ENPP6: variants seen among roughly 807,000 people sequenced by gnomAD.
ENPP6 encodes the protein ectonucleotide pyrophosphatase/phosphodiesterase 6, also known as glycerophosphocholine cholinephosphodiesterase ENPP6.
A neutral mutation model predicts 42.0 loss-of-function variants in ENPP6; 32 were observed. That is an observed-to-expected ratio of 0.76 (90% CI 0.58 to 1.02). ENPP6 has a LOEUF of 1.02. ENPP6 is among the 50% of genes least tolerant of loss of function. The probability of loss-of-function intolerance (pLI) is 0.00; values close to 1 mark genes in which losing one functional copy is unlikely to be tolerated. For missense variants in ENPP6, 552 were observed against 566.8 expected, an observed-to-expected ratio of 0.97 and a Z score of 0.27; for synonymous variants, 213 against 216.0, an observed-to-expected ratio of 0.99 and a Z score of 0.12.
intron 1 of ENPP6, among the ~76,000 whole-genome samples, chr4:184,181,867 G>T (rs1001983055): frequency 3.3e-5 from 5 of 152,120 alleles, no homozygotes; most frequent in African/African-American, 1.2e-4. Flanking sequence ...ACTCAAGATG[G>T]ATTAAAGACT....
At chr4:184,205,813 G>A (rs1579665684) in intron 1 of ENPP6, among the ~76,000 whole-genome samples, 1 of 152,204 alleles carries the variant, frequency 6.6e-6, no homozygotes, top group East Asian at 1.9e-4. Flanking sequence ...AAGGTCAGCT[G>A]ATTTCACTGT....
At chr4:184,111,796 C>T (rs527610267) in intron 6 of ENPP6, among the ~76,000 whole-genome samples, 2 of 152,306 alleles carry the variant, frequency 1.3e-5, no homozygotes, top group South Asian at 4.1e-4. Context: ...GCCCATGTCC[C>T]GGACTCCCAC....
At chr4:184,202,407 C>T (rs900605780) in intron 1 of ENPP6, among the ~76,000 whole-genome samples, 5 of 152,124 alleles carry the variant, frequency 3.3e-5, no homozygotes, top group South Asian at 4.1e-4. Context: ...AGGATAGATG[C>T]GGTGAAGTCT....
chr4:184,128,979 T>A (rs1204388944), intron 2 of ENPP6, among the ~76,000 whole-genome samples: 1 of 152,180 alleles, frequency 6.6e-6, no homozygotes, highest in Non-Finnish European at 1.5e-5. Flanking sequence ...GAAACCTTTA[T>A]GTAACTTGAT....
At chr4:184,128,407 C>T (rs951329443) in intron 2 of ENPP6, among the ~76,000 whole-genome samples, 4 of 152,116 alleles carry the variant, frequency 2.6e-5, no homozygotes, top group African/African-American at 4.8e-5. Context: ...TCTCAAACTC[C>T]TCATCTCAAG....
At chr4:184,113,924 T>TTTCTTTCTTTCTTTCTTTCTTTCC (rs1560981893) in intron 5 of ENPP6, among the ~76,000 whole-genome samples, 2 of 140,346 alleles carry the variant, frequency 1.4e-5, no homozygotes, top group Non-Finnish European at 3.2e-5. Flanking sequence ...TCTTTCTTTC[T>TTTCTTTCTTTCTTTCTTTCTTTCC]TTCTTTCTTT....
At chr4:184,097,401 C>A in intron 6 of ENPP6, 33 bp from the exon 7 acceptor site, 1 of 1,611,476 alleles carries the variant, frequency 6.2e-7, no homozygotes. Context: ...CATGACACTA[C>A]GTCCTGACCG....
chr4:184,193,062 G>C (rs1406059343), intron 1 of ENPP6, among the ~76,000 whole-genome samples: 1 of 152,104 alleles, frequency 6.6e-6, no homozygotes, highest in African/African-American at 2.4e-5. Context: ...CAGCCATTTT[G>C]AAAAATGGTT....
chr4:184,217,018 A>C (rs1180467654), intron 1 of ENPP6: 1 of 152,164 alleles, frequency 6.6e-6, no homozygotes, highest in Non-Finnish European at 1.5e-5. Flanking sequence ...CCAAAAAGGC[A>C]AAAGAAGGGG....
intron 2 of ENPP6, among the ~76,000 whole-genome samples, chr4:184,142,645 C>T (rs1736842692): frequency 6.6e-6 from 1 of 152,194 alleles, no homozygotes; most frequent in African/African-American, 2.4e-5. Context: ...TGAGAACCAA[C>T]TCATCCATTA....
At chr4:184,130,561 C>T (rs6845811) in intron 2 of ENPP6, among the ~76,000 whole-genome samples, 1 of 82,018 alleles carries the variant, frequency 1.2e-5, no homozygotes. Context: ...CCAAATCAAA[C>T]AAAACAAAAC....
intron 1 of ENPP6, among the ~76,000 whole-genome samples, chr4:184,168,543 T>G (rs569524675): frequency 6.6e-6 from 1 of 152,204 alleles, no homozygotes; most frequent in Non-Finnish European, 1.5e-5. Flanking sequence ...CCCGCGGGGC[T>G]CCGGACAGCA....
chr4:184,213,283 A>G (rs1436373566), intron 1 of ENPP6, among the ~76,000 whole-genome samples: 1 of 151,618 alleles, frequency 6.6e-6, no homozygotes, highest in African/African-American at 2.4e-5. Context: ...AAAAGAAACT[A>G]CCATCAGAGT....
At chr4:184,147,400 C>T (rs1363561540) in intron 2 of ENPP6, among the ~76,000 whole-genome samples, 2 of 152,062 alleles carry the variant, frequency 1.3e-5, no homozygotes, top group Non-Finnish European at 1.5e-5. Flanking sequence ...AGGCTGCAGC[C>T]GGAGTAGTGC....
chr4:184,181,775 A>C (rs1398673686), intron 1 of ENPP6, among the ~76,000 whole-genome samples: 1 of 152,236 alleles, frequency 6.6e-6, no homozygotes, highest in African/African-American at 2.4e-5. Flanking sequence ...TTCCTGGTTT[A>C]ATAAATGGTG....
chr4:184,176,964 C>A (rs1737573533), intron 1 of ENPP6, among the ~76,000 whole-genome samples: 4 of 152,282 alleles, frequency 2.6e-5, no homozygotes, highest in Non-Finnish European at 5.9e-5. Flanking sequence ...AGCTACCCTG[C>A]GCGGGAAACC....
chr4:184,196,847 A>G (rs942294306), intron 1 of ENPP6, among the ~76,000 whole-genome samples: 13 of 152,198 alleles, frequency 8.5e-5, no homozygotes, highest in African/African-American at 3.1e-4. Context: ...AACTGGCTGC[A>G]AGAACCCTGA....
At chr4:184,146,441 AG>A (rs11295148) in intron 2 of ENPP6, among the ~76,000 whole-genome samples, 68,807 of 142,954 alleles carry the variant, frequency 0.48, 16,418 homozygotes, top group South Asian at 0.57. Context: ...AAAAAAAAAA[AG>A]AAAGAAAGAA....
chr4:184,096,631 C>T (rs1392950056), intron 7 of ENPP6, among the ~76,000 whole-genome samples: 1 of 152,184 alleles, frequency 6.6e-6, no homozygotes, highest in Non-Finnish European at 1.5e-5. Context: ...CCCTCTCCAT[C>T]TCTCCTCTCC....
Sources: allele counts gnomAD v4.1 joint callset (sites outside exome capture counted in the v4.1 genomes callset), GRCh38; gene constraint gnomAD v4.1.1; transcripts MANE v1.5; gene names NCBI Gene and HGNC (gene_info 2026-07-23, HGNC 2026-07-21).